Variants in ARHGAP15 observed in about 807,000 individuals in gnomAD.
ARHGAP15 encodes the protein rho GTPase-activating protein 15.
Under a neutral mutation model 63.7 loss-of-function variants are expected in ARHGAP15, and 51 were observed. The ratio of observed to expected loss-of-function variants is 0.80; its 90% confidence interval spans 0.64 to 1.01. The LOEUF (loss-of-function observed/expected upper bound fraction) is 1.01. Ranked by LOEUF, ARHGAP15 falls within the 50% of genes least tolerant of loss-of-function variation. The pLI is 0.00. For synonymous variants in ARHGAP15, 191 were observed against 193.8 expected, an observed-to-expected ratio of 0.99 and a Z score of 0.12; for missense variants, 560 against 564.6, an observed-to-expected ratio of 0.99 and a Z score of 0.08.
intron 2 of ARHGAP15, among the ~76,000 whole-genome samples, chr2:143,181,479 G>C (rs1691232913): frequency 6.6e-6 from 1 of 152,208 alleles, no homozygotes; most frequent in Non-Finnish European, 1.5e-5. Context: ...AGTGTAGCTA[G>C]CTTCATCAAT....
At chr2:143,432,273 A>G (rs1230139359) in intron 6 of ARHGAP15, among the ~76,000 whole-genome samples, 1 of 152,038 alleles carries the variant, frequency 6.6e-6, no homozygotes, top group East Asian at 1.9e-4. Context: ...CTACACATTA[A>G]TTTCTCATTT....
intron 9 of ARHGAP15, among the ~76,000 whole-genome samples, chr2:143,510,948 T>C (rs1435585034): frequency 2.0e-5 from 3 of 152,232 alleles, no homozygotes; most frequent in African/African-American, 2.4e-5. Context: ...AACCGTCACA[T>C]TATTTGAACA....
chr2:143,416,826 C>CT (rs1273699418), intron 6 of ARHGAP15, among the ~76,000 whole-genome samples: 1 of 38,340 alleles, frequency 2.6e-5, no homozygotes, highest in Non-Finnish European at 5.6e-5. Flanking sequence ...CCACCACCCC[C>CT]CCACCCCCAC....
intron 5 of ARHGAP15, among the ~76,000 whole-genome samples, chr2:143,229,718 G>A (rs1693365833): frequency 6.6e-6 from 1 of 152,174 alleles, no homozygotes; most frequent in South Asian, 2.1e-4. Flanking sequence ...GAAGTTCTTT[G>A]CTCTCCAGCC....
chr2:143,209,600 T>C (rs1168744412), intron 3 of ARHGAP15, among the ~76,000 whole-genome samples: 1 of 151,908 alleles, frequency 6.6e-6, no homozygotes, highest in African/African-American at 2.4e-5. Context: ...CTGGATTAAG[T>C]AGTCACACAT....
At chr2:143,296,733 G>A (rs1014502010) in intron 6 of ARHGAP15, among the ~76,000 whole-genome samples, 8 of 151,874 alleles carry the variant, frequency 5.3e-5, no homozygotes, top group African/African-American at 1.5e-4. Context: ...ATAGGTAAAC[G>A]TGTGTCATGG....
At chr2:143,374,817 A>G (rs556522613) in intron 6 of ARHGAP15, among the ~76,000 whole-genome samples, 2 of 152,154 alleles carry the variant, frequency 1.3e-5, no homozygotes, top group Non-Finnish European at 2.9e-5. Flanking sequence ...GTACTTCTGG[A>G]AAGAGTTGTT....
intron 12 of ARHGAP15, among the ~76,000 whole-genome samples, chr2:143,652,766 C>T (rs1018997270): frequency 2.0e-5 from 3 of 151,964 alleles, no homozygotes. Context: ...TTGTTTTGTA[C>T]TCTGCAACAT....
At chr2:143,418,185 T>C (rs1053444242) in intron 6 of ARHGAP15, among the ~76,000 whole-genome samples, 1 of 152,186 alleles carries the variant, frequency 6.6e-6, no homozygotes, top group Non-Finnish European at 1.5e-5. Flanking sequence ...AGGAAGAGGA[T>C]AAAGGGATAG....
intron 6 of ARHGAP15, among the ~76,000 whole-genome samples, chr2:143,415,940 T>A (rs1163718091): frequency 6.6e-6 from 1 of 152,040 alleles, no homozygotes; most frequent in African/African-American, 2.4e-5. Context: ...TGCAGAGGCA[T>A]AAAAATGACA....
chr2:143,383,267 T>C (rs886587543), intron 6 of ARHGAP15, among the ~76,000 whole-genome samples: 2 of 152,202 alleles, frequency 1.3e-5, no homozygotes, highest in African/African-American at 2.4e-5. Flanking sequence ...AATGTATAAT[T>C]GTCATTGTCA....
chr2:143,475,726 C>A (rs139541921), intron 8 of ARHGAP15, among the ~76,000 whole-genome samples: 262 of 152,314 alleles, frequency 1.7e-3, no homozygotes, highest in Non-Finnish European at 2.6e-3. Context: ...CCCAGAGCAG[C>A]CATCCTCCTG....
chr2:143,525,335 C>T (rs1370908433), intron 10 of ARHGAP15, among the ~76,000 whole-genome samples: 1 of 146,242 alleles, frequency 6.8e-6, no homozygotes, highest in Non-Finnish European at 1.5e-5. Flanking sequence ...ACAAAACAAA[C>T]TGATAAAAAT....
At chr2:143,761,233 A>G (rs1457508098) in intron 13 of ARHGAP15, among the ~76,000 whole-genome samples, 1 of 152,118 alleles carries the variant, frequency 6.6e-6, no homozygotes, top group Non-Finnish European at 1.5e-5. Context: ...GCCTCTCTTT[A>G]GTTAAGTGGT....
chr2:143,731,763 C>T (rs897776548), intron 13 of ARHGAP15, among the ~76,000 whole-genome samples: 15 of 152,112 alleles, frequency 9.9e-5, no homozygotes, highest in African/African-American at 2.7e-4. Flanking sequence ...CAGAATAGCA[C>T]GAATAGACAC....
At chr2:143,668,305 A>G (rs1298357758) in intron 12 of ARHGAP15, among the ~76,000 whole-genome samples, 1 of 145,932 alleles carries the variant, frequency 6.9e-6, no homozygotes, top group African/African-American at 2.5e-5. Context: ...TTTTTTGATC[A>G]TTGCATTGTT....
At chr2:143,637,112 C>T (rs144876925) in intron 12 of ARHGAP15, among the ~76,000 whole-genome samples, 7 of 149,064 alleles carry the variant, frequency 4.7e-5, no homozygotes, top group Non-Finnish European at 1.0e-4. Context: ...TTGCCCCCCC[C>T]AAAGACCCTT....
intron 10 of ARHGAP15, among the ~76,000 whole-genome samples, chr2:143,521,156 T>A (rs1694049566): frequency 6.6e-6 from 1 of 152,214 alleles, no homozygotes; most frequent in Non-Finnish European, 1.5e-5. Context: ...ATCACACATA[T>A]GATTATTAAA....
At chr2:143,372,138 G>A (rs988477716) in intron 6 of ARHGAP15, among the ~76,000 whole-genome samples, 2 of 151,704 alleles carry the variant, frequency 1.3e-5, no homozygotes, top group African/African-American at 4.8e-5. Context: ...CCAGGATTTC[G>A]AGACCAATCT....
Sources: gnomAD v4.1 joint callset for allele counts (sites outside exome capture counted in the v4.1 genomes callset) on GRCh38, gnomAD v4.1.1 for gene constraint, MANE v1.5 for transcripts, NCBI Gene and HGNC (gene_info 2026-07-23, HGNC 2026-07-21) for gene names.